Variants in SPAST observed in about 807,000 individuals in gnomAD.
SPAST encodes the protein spastic paraplegia 4 (autosomal dominant; spastin).
In SPAST, 30 loss-of-function variants were observed where a neutral mutation model predicts 76.6. That is an observed-to-expected ratio of 0.39 (90% CI 0.29 to 0.53). The LOEUF is 0.53. SPAST is among the 20% of genes least tolerant of loss of function. SPAST has a pLI of 0.68. For synonymous variants in SPAST, 305 were observed against 281.0 expected, an observed-to-expected ratio of 1.09 and a Z score of -0.86; for missense variants, 717 against 770.5, an observed-to-expected ratio of 0.93 and a Z score of 0.82.
Position 32,154,414 on chromosome 2 carries a change from A to G in SPAST, c.1769A>G (p.Lys590Arg), listed in dbSNP as rs1371104629. ...IRLSDFTESL[K>R]KIKRSVSPQT... ...TTATCTGACTTCACTGAATCCTTGA[A>G]AAAAATAAAACGCAGCGTCAGCCCT... Residue 590 changes from lysine to arginine, a missense_variant, in exon 17 of 17, where the codon AAA becomes AGA. Lys to Arg is a conservative substitution (Grantham distance 26, BLOSUM62 2). This residue lies in a region of SPAST where 96 missense variants were observed against 127.6 expected (regional missense o/e 0.75). Transcript: ENST00000315285. 1 of 1,613,602 alleles carries G rather than the reference A, an allele frequency of 6.2e-7. No homozygotes were observed. Among genetic ancestry groups the G allele is most frequent in the South Asian group, 1.1e-5 (1 of 91,068 alleles).
At chr2:32,074,465 C>T (rs1027141669) in intron 1 of SPAST, among the ~76,000 whole-genome samples, 1 of 151,840 alleles carries the variant, frequency 6.6e-6, no homozygotes, top group African/African-American at 2.4e-5. Context: ...TAGGCCAGCT[C>T]CTGGATGTAA....
chr2:32,069,718 G>A (rs1676672879), intron 1 of SPAST, among the ~76,000 whole-genome samples: 1 of 151,808 alleles, frequency 6.6e-6, no homozygotes, highest in Non-Finnish European at 1.5e-5. Flanking sequence ...CATCACACCT[G>A]GCTAATTTTT....
At chr2:32,084,497 A>C (rs184465552) in intron 1 of SPAST, among the ~76,000 whole-genome samples, 1 of 152,046 alleles carries the variant, frequency 6.6e-6, no homozygotes, top group Non-Finnish European at 1.5e-5. Context: ...TCTTAAAGAA[A>C]CTGCAGGTAT....
chr2:32,087,410 A>G, intron 1 of SPAST, 82 bp from the exon 2 acceptor site: 3 of 794,942 alleles, frequency 3.8e-6, no homozygotes, highest in East Asian at 2.6e-5. Context: ...CCTGTTTTTT[A>G]TGTATTACCT....
At chr2:32,117,608 T>C (rs1177680106) in intron 7 of SPAST, among the ~76,000 whole-genome samples, 1 of 150,152 alleles carries the variant, frequency 6.7e-6, no homozygotes, top group Admixed American at 6.7e-5. Context: ...GTTGGCTCAC[T>C]GCAACCTCTG....
At chr2:32,105,330 G>A (rs970463172) in intron 4 of SPAST, among the ~76,000 whole-genome samples, 1 of 152,074 alleles carries the variant, frequency 6.6e-6, no homozygotes, top group Non-Finnish European at 1.5e-5. Flanking sequence ...TCTCCATGCT[G>A]TTTATTCTAG....
At chr2:32,114,219 A>G (rs999357365) in intron 4 of SPAST, among the ~76,000 whole-genome samples, 4 of 152,166 alleles carry the variant, frequency 2.6e-5, no homozygotes, top group African/African-American at 9.7e-5. Flanking sequence ...AGCCTAGGCA[A>G]CATAGTGAGT....
intron 4 of SPAST, among the ~76,000 whole-genome samples, chr2:32,104,034 C>T (rs955185770): frequency 6.6e-6 from 1 of 151,976 alleles, no homozygotes; most frequent in Non-Finnish European, 1.5e-5. Flanking sequence ...GTTGATCTGT[C>T]TAATATTGAC....
intron 7 of SPAST, among the ~76,000 whole-genome samples, chr2:32,125,754 G>T (rs1679168652): frequency 6.6e-6 from 1 of 151,906 alleles, no homozygotes; most frequent in South Asian, 2.1e-4. Context: ...TGCCTTTGGT[G>T]GGGAGTTCCT....
chr2:32,116,725 C>T (rs929563446), intron 7 of SPAST, among the ~76,000 whole-genome samples: 3 of 152,160 alleles, frequency 2.0e-5, no homozygotes, highest in African/African-American at 4.8e-5. Flanking sequence ...TTTCGGCCTC[C>T]CAGAGTGTTA....
At chr2:32,066,972 CAAAAAAAAAA>C (rs60829143) in intron 1 of SPAST, among the ~76,000 whole-genome samples, 7 of 77,600 alleles carry the variant, frequency 9.0e-5, no homozygotes, top group African/African-American at 2.2e-4. Flanking sequence ...AAAACTGTCT[CAAAAAAAAAA>C]AAAAAAAAAA....
chr2:32,093,818 A>AATATAT (rs138621199), intron 3 of SPAST, among the ~76,000 whole-genome samples: 1 of 149,564 alleles, frequency 6.7e-6, no homozygotes, highest in African/African-American at 2.4e-5. Context: ...CTATCTTAAA[A>AATATAT]ATATATATAT....
chr2:32,124,596 A>G (rs923412239), intron 7 of SPAST, among the ~76,000 whole-genome samples: 1 of 152,212 alleles, frequency 6.6e-6, no homozygotes, highest in African/African-American at 2.4e-5. Context: ...GCACATGAAT[A>G]TTTCTAGCAG....
chr2:32,125,228 T>G (rs953475289), intron 7 of SPAST, among the ~76,000 whole-genome samples: 1 of 152,076 alleles, frequency 6.6e-6, no homozygotes, highest in Non-Finnish European at 1.5e-5. Context: ...TTTTTTTTAA[T>G]TTTTAATTTT....
chr2:32,064,840 C>T (rs1345295241), intron 1 of SPAST, among the ~76,000 whole-genome samples: 2 of 152,206 alleles, frequency 1.3e-5, no homozygotes, highest in East Asian at 3.9e-4. Flanking sequence ...AAACTTTTCC[C>T]CCTGTTGCTT....
rs528528502 is a variant in SPAST at position 32,155,008 on chromosome 2, T to C, written c.*512T>C. The C allele has an allele frequency of 6.5e-6, 1 of 153,754 alleles. No homozygotes were observed. Among genetic ancestry groups the C allele is most frequent in the East Asian group, 1.9e-4 (1 of 5,216 alleles). 9.5% of individuals were successfully genotyped at this position (153,754 alleles called of 1,614,324 possible). On this transcript the variant is annotated 3_prime_UTR_variant, in exon 17 of 17. Transcript: ENST00000315285. ...CTTTTTTCGTTTTATAAATTCAGTG[T>C]GCCAAATGAAACTTTTTTCCTAAGT...
At chr2:32,073,939 T>G (rs959539988) in intron 1 of SPAST, among the ~76,000 whole-genome samples, 2 of 152,182 alleles carry the variant, frequency 1.3e-5, no homozygotes, top group African/African-American at 4.8e-5. Flanking sequence ...AGAATTAACT[T>G]CATAAGTGGG....
At chr2:32,111,939 ATTTT>A (rs912868739) in intron 4 of SPAST, among the ~76,000 whole-genome samples, 4 of 148,726 alleles carry the variant, frequency 2.7e-5, no homozygotes, top group Non-Finnish European at 5.9e-5. Context: ...ATATATACAT[ATTTT>A]TATTTATTTA....
chr2:32,095,285 A>T (rs1677875558), intron 3 of SPAST, among the ~76,000 whole-genome samples: 1 of 152,232 alleles, frequency 6.6e-6, no homozygotes. Context: ...ATAAATAGTC[A>T]TCACTGCAGG....
Sources: gnomAD v4.1 joint callset for allele counts (sites outside exome capture counted in the v4.1 genomes callset) on GRCh38, gnomAD v4.1.1 for gene constraint, gnomAD v4.1.1 regional missense constraint, MANE v1.5 for transcripts, NCBI Gene and HGNC (gene_info 2026-07-23, HGNC 2026-07-21) for gene names.